The following STAG3 variants were observed in gnomAD, a reference collection of about 807,000 sequenced individuals.
The protein encoded by STAG3 is STAG3 cohesin complex component, also known as cohesin subunit SA-3.
STAG3 carries 101 observed loss-of-function variants against 160.7 expected under a neutral mutation model. That is an observed-to-expected ratio of 0.63 (90% CI 0.54 to 0.74). STAG3 has a LOEUF of 0.74. Ranked by LOEUF, STAG3 falls within the 30% of genes least tolerant of loss-of-function variation. STAG3 has a pLI of 0.00. For missense variants in STAG3, 1,188 were observed against 1,517.4 expected (o/e 0.78, Z 3.61); for synonymous variants, 519 against 585.0 (o/e 0.89, Z 1.63).
At chr7:100,213,380 A>G (rs1802449765) in intron 32 of STAG3, 11 of 984,718 alleles carry the variant, frequency 1.1e-5, no homozygotes, top group Non-Finnish European at 1.3e-5. Context: ...AGAACAGAAT[A>G]GAACAGAACA....
At position 100,199,245 on chromosome 7, in the gene STAG3, T is replaced by C. The variant is rs751079513; in HGVS notation, c.1468-17T>C. ...TTAACATGCTATCATTAACTCCCCATGCACGTTCTCCCCTAGCTCCATGAC... is the reference window on the plus strand; with the variant it reads ...TTAACATGCTATCATTAACTCCCCACGCACGTTCTCCCCTAGCTCCATGAC... On this transcript the variant is annotated splice_polypyrimidine_tract_variant and intron_variant, in intron 14 of 33. Transcript: ENST00000615138. 35 of 1,553,128 alleles carry C rather than the reference T, an allele frequency of 2.3e-5. No individual in the cohort carries two copies. The highest frequency in any genetic ancestry group is 1.7e-4 in the Middle Eastern group (1 of 5,928).
chr7:100,218,674 CACTG>C (rs1393494085), downstream of STAG3: 1 of 387,068 alleles, frequency 2.6e-6, no homozygotes, highest in African/African-American at 2.0e-5. Context: ...CTCCAGGTGA[CACTG>C]ACTGGGGTTT....
chr7:100,181,752 A>C (rs1799659486), intron 2 of STAG3, among the ~76,000 whole-genome samples: 1 of 152,102 alleles, frequency 6.6e-6, no homozygotes, highest in Admixed American at 6.6e-5. Context: ...GTTTGAGACC[A>C]CCTTGGCCAA....
intron 13 of STAG3, 31 bp downstream of exon 13, chr7:100,198,613 C>G: frequency 6.3e-7 from 1 of 1,590,294 alleles, no homozygotes; most frequent in Non-Finnish European, 8.6e-7. Context: ...GTTTCTTTAA[C>G]ACCACGCTCT....
chr7:100,203,424 G>A (rs1385146116), intron 25 of STAG3, among the ~76,000 whole-genome samples: 3 of 151,276 alleles, frequency 2.0e-5, no homozygotes, highest in Non-Finnish European at 2.9e-5. Flanking sequence ...CTTGTGATCC[G>A]CCCAACTTGG....
downstream of STAG3, among the ~76,000 whole-genome samples, chr7:100,217,202 CACA>C (rs1456516834): frequency 6.6e-6 from 1 of 152,234 alleles, no homozygotes; most frequent in African/African-American, 2.4e-5. Flanking sequence ...ATTTCTACTG[CACA>C]ACATCTGTGG....
At chr7:100,193,289 T>A (rs1800453218) in intron 8 of STAG3, among the ~76,000 whole-genome samples, 1 of 152,212 alleles carries the variant, frequency 6.6e-6, no homozygotes, top group African/African-American at 2.4e-5. Flanking sequence ...TTAGGATTTT[T>A]AAAATGGTAA....
Position 100,213,459 on chromosome 7 carries a change from CCT to C in STAG3, c.3601-273_3601-272del, listed in dbSNP as rs1488985709. ...TCAAACCAGAGACTAGAGAGCAAGGCCTCTGTTAAAATATTATTTCCTAACAT... is the reference window on the plus strand; with the variant it reads ...TCAAACCAGAGACTAGAGAGCAAGGCCTGTTAAAATATTATTTCCTAACAT... On this transcript the variant is annotated intron_variant, in intron 32 of 33. Transcript: ENST00000615138. 9 of 985,266 alleles carry C rather than the reference CCT, an allele frequency of 9.1e-6. No individual in the cohort carries two copies. The African/African-American group carries it at 1.6e-4, about 17-fold the overall frequency. The allele number at this position is 985,266 out of a possible 1,614,324, so 61.0% of individuals were successfully genotyped here.
At chr7:100,208,371 C>T (rs1202853459) in intron 29 of STAG3, among the ~76,000 whole-genome samples, 1 of 152,032 alleles carries the variant, frequency 6.6e-6, no homozygotes, top group Non-Finnish European at 1.5e-5. Flanking sequence ...AGCTTATTAT[C>T]TAATAGGAAA....
Position 100,201,144 on chromosome 7 carries a change from C to G in STAG3, c.2116C>G (p.Leu706Val). ...VYNLAATLKR[L>V]SAFYNTHDLT... Reference sequence around the variant, plus strand: ...TAATCTGGCAGCCACTCTGAAACGCCTCTCTGCCTTCTACAAGTGAGTGGC... The same window carrying G: ...TAATCTGGCAGCCACTCTGAAACGCGTCTCTGCCTTCTACAAGTGAGTGGC... The change falls in exon 20 of 34, where the codon CTC (leucine) becomes GTC (valine). Residue 706 changes from leucine to valine, a missense_variant. Around this residue, in one of 4 missense-constraint regions of STAG3, gnomAD observed 647 missense variants for 717.2 expected, o/e 0.90. Coordinates refer to ENST00000615138, the MANE Select transcript of STAG3 (RefSeq NM_001282717.2). The G allele has an allele frequency of 6.2e-7, 1 of 1,614,238 alleles. No homozygotes were observed. Among genetic ancestry groups the G allele is most frequent in the Non-Finnish European group, 8.5e-7 (1 of 1,180,042 alleles).
At chr7:100,212,006 G>A (rs1732702261) in intron 32 of STAG3, 130 bp downstream of exon 32, 3 of 777,132 alleles carry the variant, frequency 3.9e-6, no homozygotes, top group Non-Finnish European at 6.1e-6. Flanking sequence ...TAGAGTAAAG[G>A]AGGACAGGTT....
At chr7:100,184,275 AAAAG>A (rs906442061) in intron 4 of STAG3, among the ~76,000 whole-genome samples, 24 of 151,932 alleles carry the variant, frequency 1.6e-4, no homozygotes, top group African/African-American at 5.6e-4. Context: ...CAAAAAAAAA[AAAAG>A]AAAGAAATTT....
Position 100,200,337 on chromosome 7 carries a change from G to A in STAG3, c.1770+9G>A, listed in dbSNP as rs1801019551. The A allele has an allele frequency of 1.2e-6, 2 of 1,613,784 alleles. No individual in the cohort carries two copies. The highest frequency in any genetic ancestry group is 1.7e-6 in the Non-Finnish European group (2 of 1,179,816). On this transcript the variant is annotated intron_variant, in intron 17 of 33. Transcript: ENST00000615138. ...CCCAGCTCCTGGCCAAGGTACCGCT[G>A]CCCCTCCACTCTGCATCACACCAAG...
Position 100,199,364 on chromosome 7 carries a change from CA to C in STAG3, c.1571del (p.Gln524ArgfsTer11), listed in dbSNP as rs1800917478. On this transcript the variant is annotated frameshift_variant and splice_region_variant, in exon 15 of 34. Transcript: ENST00000615138. LOFTEE classifies it high-confidence loss of function. The stretch of plus-strand genomic sequence containing the variant: ...GACAAGCCTGCTGCTGGAGAAGGAC[CA>C]GAGTACGTGTCACACGGAGCCAGGG... Reference protein sequence around the residue: ...GLTSLLLEKDQNLGDVQESTL... With the variant: ...GLTSLLLEKDXNLGDVQESTL... 7 of 1,613,586 alleles carry C rather than the reference CA, an allele frequency of 4.3e-6. No homozygotes were observed. Among genetic ancestry groups the C allele is most frequent in the Non-Finnish European group, 5.9e-6 (7 of 1,179,518 alleles).
At chr7:100,214,475 C>G (rs1802593754), downstream of STAG3, 2 of 182,484 alleles carry the variant, frequency 1.1e-5, no homozygotes, top group Admixed American at 1.1e-4. Flanking sequence ...GATGTCCCCA[C>G]ACCCTGCAGG....
At position 100,182,107 on chromosome 7, in the gene STAG3, T is replaced by C; in HGVS notation, c.134T>C (p.Leu45Ser). ...HTSEGNGDSL[L>S]ADEDTDFEDS... The stretch of plus-strand genomic sequence containing the variant: ...TCTCACAGGAATGGCGACTCTTTGT[T>C]AGCTGATGAAGACACTGACTTTGAA... Residue 45 changes from leucine to serine, a missense_variant, in exon 3 of 34, where the codon TTA becomes TCA. Leu to Ser is a moderately radical substitution (Grantham distance 145). Coordinates refer to ENST00000615138, the MANE Select transcript of STAG3 (RefSeq NM_001282717.2). 6.2e-7 allele frequency: 1 copy of C among 1,613,584 alleles called. No individual in the cohort carries two copies. Among genetic ancestry groups the C allele is most frequent in the Non-Finnish European group, 8.5e-7 (1 of 1,179,684 alleles).
rs1050303678 is a variant in STAG3 at position 100,207,429 on chromosome 7, G to A, written c.3238+2045G>A. On this transcript the variant is annotated intron_variant, in intron 29 of 33. Coordinates refer to ENST00000615138, the MANE Select transcript of STAG3 (RefSeq NM_001282717.2). This position sits in a 1 kb window ranked among gnomAD's most constrained non-coding sequence, Gnocchi z 4.0. The stretch of plus-strand genomic sequence containing the variant: ...CCATCTCCTAGTAGCTGTGAGGTGT[G>A]GTATCTCATTGTGGTTTAAATTTGC... 7.9e-5 allele frequency among the ~76,000 whole-genome samples: 12 copies of A among 152,174 alleles called. No homozygotes were observed. The highest frequency in any genetic ancestry group is 2.6e-4 in the African/African-American group (11 of 41,530).
At chr7:100,189,849 A>G (rs1377453420) in intron 8 of STAG3, among the ~76,000 whole-genome samples, 1 of 148,990 alleles carries the variant, frequency 6.7e-6, no homozygotes, top group Non-Finnish European at 1.5e-5. Context: ...TTTTGTCAGC[A>G]CTCATTGTTA....
At chr7:100,193,227 G>T (rs1320292819) in intron 8 of STAG3, among the ~76,000 whole-genome samples, 1 of 152,170 alleles carries the variant, frequency 6.6e-6, no homozygotes, top group Non-Finnish European at 1.5e-5. Flanking sequence ...AGGCTTTGTT[G>T]TTTCATTTAT....
Sources: gnomAD v4.1 joint callset for allele counts (sites outside exome capture counted in the v4.1 genomes callset) on GRCh38, gnomAD v4.1.1 for gene constraint, gnomAD v4.1.1 regional missense constraint, Gnocchi (gnomAD v3.1) non-coding constraint, MANE v1.5 for transcripts, NCBI Gene and HGNC (gene_info 2026-07-23, HGNC 2026-07-21) for gene names.